BIRC6: variants seen among roughly 807,000 people sequenced by gnomAD.
BIRC6 encodes dual E2 ubiquitin-conjugating enzyme/E3 ubiquitin-protein ligase BIRC6.
In BIRC6, 98 loss-of-function variants were observed where a neutral mutation model predicts 503.3. The ratio of observed to expected loss-of-function variants is 0.19; its 90% CI spans 0.17 to 0.23. The LOEUF (loss-of-function observed/expected upper bound fraction) is 0.23. Among genes scored for constraint, BIRC6 ranks in the 10% least tolerant of loss-of-function variants. The pLI, the probability that BIRC6 is intolerant of heterozygous loss-of-function variation, is 1.00. For synonymous variants in BIRC6, 2,240 were observed against 2,078.7 expected (o/e 1.08, Z -2.11); for missense variants, 5,360 against 5,806.0 (o/e 0.92, Z 2.50).
At chr2:32,426,172 C>CT (rs1389413490) in intron 10 of BIRC6, among the ~76,000 whole-genome samples, 2 of 152,042 alleles carry the variant, frequency 1.3e-5, no homozygotes, top group African/African-American at 2.4e-5. Context: ...TCTGATACTA[C>CT]TTTTTTTTGA....
chr2:32,528,542 A>G (rs2056472653), intron 59 of BIRC6: 1 of 152,212 alleles, frequency 6.6e-6, no homozygotes, highest in South Asian at 2.1e-4. Context: ...GGTTTTGTTT[A>G]ATAGCTGAAA....
In BIRC6 at chr2:32,531,435, G is replaced by A; in HGVS notation, c.12175G>A (p.Glu4059Lys). Residue 4059 changes from glutamate to lysine, a missense_variant, in exon 61 of 74, where the codon GAA becomes AAA. Physicochemically the swap from Glu to Lys is moderately conservative, Grantham distance 56. Transcript: ENST00000421745. ...TGAATGCATGGATGGGATACTGGAT[G>A]AATCTTTGCTTGAAACCTGTCCAAT... ...GDECMDGILD[E>K]SLLETCPIQS... 1 of 1,613,886 alleles carries A rather than the reference G, an allele frequency of 6.2e-7. No individual in the cohort carries two copies. Among genetic ancestry groups the A allele is most frequent in the East Asian group, 2.2e-5 (1 of 44,860 alleles).
Position 32,531,525 on chromosome 2 carries a change from A to G in BIRC6, c.12265A>G (p.Met4089Val). 1 of 1,613,088 alleles carries G rather than the reference A, an allele frequency of 6.2e-7. No individual in the cohort carries two copies. The highest frequency in any genetic ancestry group is 8.5e-7 in the Non-Finnish European group (1 of 1,179,438). The change falls in exon 61 of 74, where the codon ATG (methionine) becomes GTG (valine). Residue 4089 changes from methionine to valine, a missense_variant. Coordinates refer to ENST00000421745, the MANE Select transcript of BIRC6 (RefSeq NM_016252.4). ...GGCTCTTATTGCTGAAAGACTACCC[A>G]TGCTATATCCAGAAGTAATTCAACA... ...GLALIAERLP[M>V]LYPEVIQQVS...
chr2:32,545,332 C>T (rs891478220), intron 62 of BIRC6, among the ~76,000 whole-genome samples: 1 of 152,084 alleles, frequency 6.6e-6, no homozygotes, highest in Non-Finnish European at 1.5e-5. Context: ...ACTAATGCTT[C>T]TTTTCTATTG....
intron 71 of BIRC6, among the ~76,000 whole-genome samples, chr2:32,607,001 C>T (rs1258190447): frequency 6.9e-6 from 1 of 145,548 alleles, no homozygotes; most frequent in South Asian, 2.2e-4. Context: ...GAGTGAAACT[C>T]AGTCTTATTA....
chr2:32,443,760 C>T (rs1175390872), intron 20 of BIRC6, among the ~76,000 whole-genome samples, 172 bp downstream of exon 20: 1 of 152,130 alleles, frequency 6.6e-6, no homozygotes, highest in Non-Finnish European at 1.5e-5. Flanking sequence ...TATACTCCGT[C>T]AATAGTACTC....
chr2:32,398,983 G>A (rs2040292199), intron 6 of BIRC6, among the ~76,000 whole-genome samples: 1 of 152,096 alleles, frequency 6.6e-6, no homozygotes, highest in Admixed American at 6.5e-5. Context: ...TTAAGGAGTA[G>A]CATGTTTTAT....
chr2:32,424,249 G>C (rs536415148), intron 10 of BIRC6, among the ~76,000 whole-genome samples: 89 of 151,148 alleles, frequency 5.9e-4, no homozygotes, highest in African/African-American at 2.0e-3. Context: ...GTATATATAT[G>C]AATATATATA....
chr2:32,519,372 A>T, intron 57 of BIRC6, among the ~76,000 whole-genome samples: 1 of 152,202 alleles, frequency 6.6e-6, no homozygotes, highest in African/African-American at 2.4e-5. Context: ...CTCATTGTTT[A>T]TCGTAGTCAG....
intron 8 of BIRC6, 86 bp downstream of exon 8, chr2:32,401,709 G>A (rs2040614062): frequency 1.4e-5 from 18 of 1,249,352 alleles, no homozygotes; most frequent in Admixed American, 5.5e-5. Context: ...AATTAAAGAG[G>A]AGGAAAAAAA....
rs201493487 is a variant in BIRC6, at chr2:32,515,387, T to G, written c.10966T>G (p.Ser3656Ala). ...HISSSESIAQSIDISQDKLRR... is the reference protein window; with the variant it reads ...HISSSESIAQAIDISQDKLRR... ...TTCTAGCTCAGAAAGCATTGCCCAGTCAATAGATATTTCCCAGGACAAACT... is the reference window on the plus strand; with the variant it reads ...TTCTAGCTCAGAAAGCATTGCCCAGGCAATAGATATTTCCCAGGACAAACT... Residue 3656 changes from serine (S) to alanine (A), a missense_variant, in exon 55 of 74, where the codon TCA becomes GCA. Ser to Ala is a moderately conservative substitution (Grantham distance 99, BLOSUM62 1). Transcript: ENST00000421745. 2.5e-6 allele frequency: 4 copies of G among 1,613,492 alleles called. No individual in the cohort carries two copies. The East Asian group carries it at 8.9e-5, about 36-fold the overall frequency.
At chr2:32,465,241 T>C in intron 26 of BIRC6, 77 bp downstream of exon 26, 1 of 565,896 alleles carries the variant, frequency 1.8e-6, no homozygotes, top group Non-Finnish European at 2.8e-6. Flanking sequence ...TCATTATTCT[T>C]CAGTTCGATT....
intron 36 of BIRC6, 21 bp downstream of exon 36, chr2:32,478,839 A>C: frequency 6.2e-7 from 1 of 1,607,362 alleles, no homozygotes; most frequent in Non-Finnish European, 8.5e-7. Context: ...ATTTTTCTTC[A>C]TAGAGTATGT....
At chr2:32,420,878 C>T (rs1388327572) in intron 10 of BIRC6, among the ~76,000 whole-genome samples, 2 of 149,484 alleles carry the variant, frequency 1.3e-5, no homozygotes, top group Middle Eastern at 7.4e-3. Flanking sequence ...TGATACTGAT[C>T]GATGATTTGT....
intron 61 of BIRC6, among the ~76,000 whole-genome samples, chr2:32,533,624 T>C (rs1294581473): frequency 6.6e-6 from 1 of 152,208 alleles, no homozygotes; most frequent in East Asian, 1.9e-4. Context: ...TTCAGTCACA[T>C]AGAGGGCTCT....
rs3841870 is a variant in BIRC6, at chr2:32,462,054, TA to T, written c.4754-1129del. Among the ~76,000 whole-genome samples, 220 of 137,432 alleles carry T rather than the reference TA, an allele frequency of 1.6e-3. 1 individual carries two copies. Among genetic ancestry groups the T allele is most frequent in the African/African-American group, 4.0e-3 (151 of 37,620 alleles). 90.2% of individuals were successfully genotyped at this position (137,432 alleles called of 152,430 possible). The stretch of plus-strand genomic sequence containing the variant: ...TACTTAATCAGCAAAAAAATAAAAA[TA>T]AAAAAAAAAAGGTGGGGGGGATCAT... On this transcript the variant is annotated intron_variant, in intron 23 of 73. Coordinates refer to ENST00000421745, the MANE Select transcript of BIRC6 (RefSeq NM_016252.4).
At chr2:32,450,694 G>T (rs1558761496) in intron 22 of BIRC6, among the ~76,000 whole-genome samples, 1 of 152,120 alleles carries the variant, frequency 6.6e-6, no homozygotes, top group East Asian at 1.9e-4. Flanking sequence ...TATCCGTGGG[G>T]AATTGGTTCC....
chr2:32,500,384 G>T (rs1165337963), intron 46 of BIRC6, among the ~76,000 whole-genome samples: 1 of 150,778 alleles, frequency 6.6e-6, no homozygotes, highest in Non-Finnish European at 1.5e-5. Context: ...CACCCAAGTA[G>T]CTGGGACCAT....
chr2:32,430,524 T>C (rs913280919), intron 11 of BIRC6, among the ~76,000 whole-genome samples: 1 of 152,212 alleles, frequency 6.6e-6, no homozygotes, highest in Non-Finnish European at 1.5e-5. Context: ...TGATGTACAT[T>C]GGCTTGCACT....
Sources: allele counts gnomAD v4.1 joint callset (sites outside exome capture counted in the v4.1 genomes callset), GRCh38; gene constraint gnomAD v4.1.1; transcripts MANE v1.5; gene names NCBI Gene and HGNC (gene_info 2026-07-23, HGNC 2026-07-21).